Variants in AOAH observed in about 807,000 individuals in gnomAD.
AOAH encodes acyloxyacyl hydrolase (neutrophil).
A neutral mutation model predicts 92.2 loss-of-function variants in AOAH; 64 were observed. That is an observed-to-expected ratio of 0.69 (90% CI 0.57 to 0.86). The LOEUF is 0.86. Ranked by LOEUF, AOAH falls within the 40% of genes least tolerant of loss-of-function variation. AOAH has a pLI of 0.00. For missense variants in AOAH, 656 were observed against 694.6 expected (o/e 0.94, Z 0.62); for synonymous variants, 263 against 254.5 (o/e 1.03, Z -0.32).
chr7:36,616,417 A>T lies in AOAH; in HGVS notation c.809T>A (p.Ile270Asn). Residue 270 changes from isoleucine to asparagine, a missense_variant, in exon 11 of 21, where the codon ATC becomes AAC. By Grantham distance (149) the Ile-to-Asn change is moderately radical. Transcript: ENST00000617537. The part of the protein sequence containing the change: ...LGDSAGAHFH[I>N]SPEWITASQM... ...CGACGCTGTGATCCATTCAGGAGAG[A>T]TGTGAAAATGAGCCCCAGCTGAGTC... is the stretch of plus-strand genomic sequence containing the variant. 1 of 1,614,116 alleles carries T rather than the reference A, an allele frequency of 6.2e-7. No homozygotes were observed. The highest frequency in any genetic ancestry group is 8.5e-7 in the Non-Finnish European group (1 of 1,179,966).
rs181333061 is a variant in AOAH at position 36,610,624 on chromosome 7, T to C, written c.846+5756A>G. Among the ~76,000 whole-genome samples, 6 of 152,280 alleles carry C rather than the reference T, an allele frequency of 3.9e-5. No homozygotes were observed. The East Asian group carries it at 1.2e-3, about 29-fold the overall frequency. On this transcript the variant is annotated intron_variant, in intron 11 of 20. Transcript: ENST00000617537. ...AGGAATTTTAATAATTTCCAAATAA[T>C]TTCTTTATTTTCACATTTTCTCAAT...
chr7:36,645,266 G>A (rs774643294), intron 4 of AOAH, among the ~76,000 whole-genome samples: 14 of 152,298 alleles, frequency 9.2e-5, no homozygotes, highest in African/African-American at 3.4e-4. Context: ...AGGCTAGAGA[G>A]AGCCAGCTCT....
intron 4 of AOAH, among the ~76,000 whole-genome samples, chr7:36,638,512 G>C (rs529682640): frequency 6.6e-6 from 1 of 151,934 alleles, no homozygotes; most frequent in African/African-American, 2.4e-5. Context: ...AATATAAAGA[G>C]TTAGCTCATT....
chr7:36,652,745 C>T (rs1014894532), intron 4 of AOAH, among the ~76,000 whole-genome samples: 5 of 152,294 alleles, frequency 3.3e-5, no homozygotes, highest in Middle Eastern at 3.4e-3. Context: ...AATCCCAATT[C>T]GAGGAACATT....
intron 13 of AOAH, among the ~76,000 whole-genome samples, chr7:36,557,137 C>A (rs1786796819): frequency 6.6e-6 from 1 of 152,098 alleles, no homozygotes; most frequent in South Asian, 2.1e-4. Flanking sequence ...TGTGCCTTTC[C>A]ATGTTTAGTG....
chr7:36,619,122 C>T (rs1227437382), intron 9 of AOAH, among the ~76,000 whole-genome samples: 1 of 152,152 alleles, frequency 6.6e-6, no homozygotes, highest in Non-Finnish European at 1.5e-5. Flanking sequence ...CAAGAGTGTG[C>T]TCACTCTCCA....
chr7:36,626,124 A>G (rs1756722315), intron 6 of AOAH, among the ~76,000 whole-genome samples: 1 of 152,198 alleles, frequency 6.6e-6, no homozygotes, highest in African/African-American at 2.4e-5. Context: ...TCTAGTTGAG[A>G]AAAGGAAGAT....
chr7:36,567,839 C>T (rs530684230), intron 13 of AOAH, among the ~76,000 whole-genome samples: 5 of 152,316 alleles, frequency 3.3e-5, no homozygotes, highest in African/African-American at 9.6e-5. Flanking sequence ...TGCTCCCTCA[C>T]GTCTACTCTT....
chr7:36,577,024 CTTTT>C (rs565396541), intron 12 of AOAH, among the ~76,000 whole-genome samples: 3 of 131,406 alleles, frequency 2.3e-5, no homozygotes, highest in Admixed American at 7.6e-5. Flanking sequence ...TGTTGCCTTT[CTTTT>C]TTTTTTTTTT....
At chr7:36,647,254 T>C (rs1794282056) in intron 4 of AOAH, among the ~76,000 whole-genome samples, 1 of 152,222 alleles carries the variant, frequency 6.6e-6, no homozygotes, top group African/African-American at 2.4e-5. Context: ...CTGGCTTAAC[T>C]TGGGGCATCA....
intron 11 of AOAH, among the ~76,000 whole-genome samples, chr7:36,600,861 G>A (rs1790516896): frequency 6.6e-6 from 1 of 152,206 alleles, no homozygotes. Flanking sequence ...GATGATTTGA[G>A]AGCTGCCGCC....
intron 13 of AOAH, among the ~76,000 whole-genome samples, chr7:36,575,742 C>T (rs1788451738): frequency 6.6e-6 from 1 of 152,150 alleles, no homozygotes; most frequent in Non-Finnish European, 1.5e-5. Flanking sequence ...ATAAGAAATA[C>T]ATTATTTGTA....
At chr7:36,620,947 C>A (rs775578828) in intron 8 of AOAH, 118 bp from the exon 9 acceptor site, 1 of 889,384 alleles carries the variant, frequency 1.1e-6, no homozygotes, top group East Asian at 2.7e-5. Context: ...CATGGAGAGA[C>A]AACAGCATTC....
At chr7:36,569,043 A>T (rs1322512775) in intron 13 of AOAH, among the ~76,000 whole-genome samples, 1 of 151,856 alleles carries the variant, frequency 6.6e-6, no homozygotes, top group Non-Finnish European at 1.5e-5. Flanking sequence ...ATTCTCAATT[A>T]TTTTTTTTCA....
At chr7:36,710,648 A>C (rs981484969) in intron 1 of AOAH, among the ~76,000 whole-genome samples, 4 of 152,224 alleles carry the variant, frequency 2.6e-5, no homozygotes, top group Admixed American at 1.3e-4. Flanking sequence ...TTTATCACGG[A>C]GCAATAGAAA....
chr7:36,614,550 A>G lies in AOAH; in HGVS notation c.846+1830T>C, dbSNP rs529895343. ...GGATCCTGTCTCCTGCCACCTCTCA[A>G]GATGGGTTCCTGGCCACTCACTCCC... On this transcript the variant is annotated intron_variant, in intron 11 of 20. Transcript: ENST00000617537. This position sits in a 1 kb window ranked among gnomAD's most constrained non-coding sequence, Gnocchi z 4.2. 2.3e-3 allele frequency among the ~76,000 whole-genome samples: 347 copies of G among 152,292 alleles called. 2 individuals carry two copies. The highest frequency in any genetic ancestry group is 8.0e-3 in the African/African-American group (334 of 41,544).
intron 4 of AOAH, among the ~76,000 whole-genome samples, chr7:36,656,341 G>A (rs551162957): frequency 5.3e-5 from 8 of 152,264 alleles, no homozygotes; most frequent in South Asian, 4.1e-4. Flanking sequence ...TGAACTAGCC[G>A]GTGGCGATAG....
intron 13 of AOAH, among the ~76,000 whole-genome samples, chr7:36,554,895 G>A (rs1294261065): frequency 3.5e-4 from 52 of 148,360 alleles, no homozygotes; most frequent in African/African-American, 1.3e-3. Flanking sequence ...CTGAGACAAT[G>A]GGGTTTTCTA....
intron 13 of AOAH, among the ~76,000 whole-genome samples, chr7:36,551,570 A>G (rs1258402002): frequency 6.6e-6 from 1 of 152,150 alleles, no homozygotes; most frequent in East Asian, 1.9e-4. Context: ...TTCTGCCCTT[A>G]CGCATTTAAC....
Sources: gnomAD v4.1 joint callset for allele counts (sites outside exome capture counted in the v4.1 genomes callset) on GRCh38, gnomAD v4.1.1 for gene constraint, Gnocchi (gnomAD v3.1) non-coding constraint, MANE v1.5 for transcripts, NCBI Gene and HGNC (gene_info 2026-07-23, HGNC 2026-07-21) for gene names.